The following KAT6A variants were observed in gnomAD, a reference collection of about 807,000 sequenced individuals.
KAT6A encodes the protein histone acetyltransferase KAT6A.
KAT6A carries 9 observed loss-of-function variants against 198.4 expected under a neutral mutation model. The observed-to-expected ratio is 0.05, with a 90% CI of 0.03 to 0.08. KAT6A has a LOEUF of 0.08. Ranked by LOEUF, KAT6A falls within the 10% of genes least tolerant of loss-of-function variation. KAT6A has a pLI of 1.00. For missense variants in KAT6A, 2,077 were observed against 2,509.9 expected (o/e 0.83, Z 3.69); for synonymous variants, 890 against 883.0 (o/e 1.01, Z -0.14).
chr8:41,932,809 G>A lies in KAT6A; in HGVS notation c.5411C>T (p.Pro1804Leu). The change falls in exon 17 of 17, where the codon CCT (proline) becomes CTT (leucine). Residue 1804 changes from proline (P) to leucine (L), a missense_variant. Around this residue, in one of 13 missense-constraint regions of KAT6A, gnomAD observed 500 missense variants for 577.2 expected, o/e 0.87. Coordinates refer to ENST00000265713, the MANE Select transcript of KAT6A (RefSeq NM_006766.5). Reference sequence around the variant, plus strand: ...TGGCGTCATGGTGGCTTGTGCTTGAGGAGTCCCAGCTAAGGGATGAGATGG... The same window carrying A: ...TGGCGTCATGGTGGCTTGTGCTTGAAGAGTCCCAGCTAAGGGATGAGATGG... ...LAPSHPLAGT[P>L]QAQATMTPPP... The A allele has an allele frequency of 6.2e-7, 1 of 1,614,186 alleles. No individual in the cohort carries two copies. The highest frequency in any genetic ancestry group is 8.5e-7 in the Non-Finnish European group (1 of 1,180,008).
In KAT6A at chr8:41,987,570, A is replaced by G. The variant is rs757066333; in HGVS notation, c.601-7T>C. 5 of 1,511,422 alleles carry G rather than the reference A, an allele frequency of 3.3e-6. No homozygotes were observed. Among genetic ancestry groups the G allele is most frequent in the Non-Finnish European group, 4.6e-6 (5 of 1,087,566 alleles). 93.6% of individuals were successfully genotyped at this position (1,511,422 alleles called of 1,614,324 possible). On this transcript the variant is annotated splice_region_variant and splice_polypyrimidine_tract_variant and intron_variant, in intron 2 of 16. Transcript: ENST00000265713. ...GGATTGGTTCAGCAACCGGCTGTGA[A>G]GAAAAACACAATTCATTCCAGTACT...
chr8:41,998,011 G>A (rs1446891031), intron 2 of KAT6A, among the ~76,000 whole-genome samples: 1 of 152,050 alleles, frequency 6.6e-6, no homozygotes, highest in Admixed American at 6.6e-5. Flanking sequence ...CTCAATGACT[G>A]GGCATGAGGA....
chr8:42,003,814 A>C (rs905522317), intron 2 of KAT6A, among the ~76,000 whole-genome samples: 1 of 152,172 alleles, frequency 6.6e-6, no homozygotes, highest in Admixed American at 6.5e-5. Flanking sequence ...TGGTATCCTT[A>C]TAAGAGAAAG....
At position 41,961,622 on chromosome 8, in the gene KAT6A, G is replaced by A. The variant is rs746875168; in HGVS notation, c.1483-6211C>T. ...AGAAAAATTAGTTGGGAGTGGTGGC[G>A]CACACCTGTAGTACCAGCTACTCGG... is the stretch of plus-strand genomic sequence containing the variant. On this transcript the variant is annotated intron_variant, in intron 8 of 16. Coordinates refer to ENST00000265713, the MANE Select transcript of KAT6A (RefSeq NM_006766.5). Among the ~76,000 whole-genome samples the A allele has an allele frequency of 8.6e-5, 13 of 151,756 alleles. No individual in the cohort carries two copies. In the East Asian group the frequency reaches 9.7e-4, roughly 11 times the overall value.
intron 11 of KAT6A, 52 bp from the exon 12 acceptor site, chr8:41,946,736 A>G: frequency 5.7e-6 from 6 of 1,045,378 alleles, no homozygotes; most frequent in Non-Finnish European, 9.0e-6. Context: ...AAAAGTGAAT[A>G]ATAACGTGAA....
intron 2 of KAT6A, among the ~76,000 whole-genome samples, chr8:42,013,984 T>A (rs1826144447): frequency 6.6e-6 from 1 of 152,218 alleles, no homozygotes; most frequent in Non-Finnish European, 1.5e-5. Context: ...GAAAGAAGCC[T>A]TGGACAACAC....
At chr8:42,028,263 G>A (rs1289461996) in intron 2 of KAT6A, among the ~76,000 whole-genome samples, 1 of 152,172 alleles carries the variant, frequency 6.6e-6, no homozygotes. Flanking sequence ...GGTGTAAAGT[G>A]TGGTTTAAAT....
intron 3 of KAT6A, 103 bp downstream of exon 3, chr8:41,987,352 C>T: frequency 1.4e-6 from 1 of 695,128 alleles, no homozygotes; most frequent in Non-Finnish European, 2.6e-6. Flanking sequence ...AGATGTATGA[C>T]TGTATTAATC....
chr8:41,958,125 A>C (rs1261085540), intron 8 of KAT6A: 1 of 152,240 alleles, frequency 6.6e-6, no homozygotes, highest in African/African-American at 2.4e-5. Flanking sequence ...TCCCACAGAA[A>C]CACTACAGTA....
chr8:42,041,776 G>GT (rs1440049660), intron 2 of KAT6A, among the ~76,000 whole-genome samples: 1 of 151,668 alleles, frequency 6.6e-6, no homozygotes. Flanking sequence ...CATAAAAAAT[G>GT]TTTAAATTAT....
chr8:41,944,649 A>C (rs1822290284), intron 12 of KAT6A, among the ~76,000 whole-genome samples: 1 of 152,250 alleles, frequency 6.6e-6, no homozygotes, highest in South Asian at 2.1e-4. Flanking sequence ...AAGAATGTTA[A>C]TTTGGAAACG....
chr8:41,981,396 A>C (rs1380009535), intron 4 of KAT6A, among the ~76,000 whole-genome samples: 1 of 152,230 alleles, frequency 6.6e-6, no homozygotes, highest in Non-Finnish European at 1.5e-5. Context: ...ATGTAAATAG[A>C]GTTAGCAAAA....
intron 2 of KAT6A, among the ~76,000 whole-genome samples, chr8:42,025,193 T>C (rs1243102826): frequency 1.3e-5 from 2 of 150,894 alleles, no homozygotes; most frequent in Non-Finnish European, 2.9e-5. Flanking sequence ...AGATGATTAG[T>C]GATGCTGAGG....
chr8:42,051,284 A>T (rs1334570772), intron 1 of KAT6A, among the ~76,000 whole-genome samples: 1 of 151,660 alleles, frequency 6.6e-6, no homozygotes, highest in African/African-American at 2.4e-5. Context: ...AGCCCGGCAG[A>T]CACAACACCA....
rs752022353 is a variant in KAT6A, at chr8:41,941,046, C to A, written c.2835G>T (p.Glu945Asp). 6.2e-7 allele frequency: 1 copy of A among 1,614,072 alleles called. No homozygotes were observed. Among genetic ancestry groups the A allele is most frequent in the Non-Finnish European group, 8.5e-7 (1 of 1,180,050 alleles). Residue 945 changes from glutamate to aspartate, a missense_variant, in exon 15 of 17, where the codon GAG becomes GAT. By Grantham distance (45) the Glu-to-Asp change is conservative. Transcript: ENST00000265713. ...LPKRRLSEGV[E>D]PWRGQLKKSP... ...TTTTCTTGAGCTGTCCTCGCCAGGGCTCAACCCCCTCACTGAGTCTTCTCT... is the reference window on the plus strand; with the variant it reads ...TTTTCTTGAGCTGTCCTCGCCAGGGATCAACCCCCTCACTGAGTCTTCTCT...
intron 2 of KAT6A, among the ~76,000 whole-genome samples, chr8:42,026,670 C>G (rs1378147938): frequency 6.6e-6 from 1 of 151,996 alleles, no homozygotes; most frequent in East Asian, 1.9e-4. Context: ...TTTTGTAGAG[C>G]CTTCATGTTT....
intron 2 of KAT6A, among the ~76,000 whole-genome samples, chr8:42,006,918 C>G (rs1388898820): frequency 6.6e-6 from 1 of 150,910 alleles, no homozygotes; most frequent in Non-Finnish European, 1.5e-5. Flanking sequence ...ATCACTTGAA[C>G]CCGGGAGGCA....
rs75767161 is a variant in KAT6A, at chr8:41,979,987, G to T, written c.907+859C>A. Among the ~76,000 whole-genome samples the T allele has an allele frequency of 8.5e-3, 1,298 of 152,190 alleles. 9 individuals are homozygous for T. The highest frequency in any genetic ancestry group is 0.017 in the Middle Eastern group (5 of 294). On this transcript the variant is annotated intron_variant, in intron 5 of 16. Coordinates refer to ENST00000265713, the MANE Select transcript of KAT6A (RefSeq NM_006766.5). ...CAGAGTGAGACTCCATGGGTGAGGG[G>T]GTGGAATAAGTGAATTCAAGTAAAA... is the stretch of plus-strand genomic sequence containing the variant.
At chr8:42,021,993 G>A (rs1230248469) in intron 2 of KAT6A, among the ~76,000 whole-genome samples, 1 of 152,078 alleles carries the variant, frequency 6.6e-6, no homozygotes, top group African/African-American at 2.4e-5. Flanking sequence ...AACAATTTCA[G>A]TTTATCTCAA....
Sources: gnomAD v4.1 joint callset for allele counts (sites outside exome capture counted in the v4.1 genomes callset) on GRCh38, gnomAD v4.1.1 for gene constraint, gnomAD v4.1.1 regional missense constraint, MANE v1.5 for transcripts, NCBI Gene and HGNC (gene_info 2026-07-23, HGNC 2026-07-21) for gene names.